TRIM37: variants seen among roughly 807,000 people sequenced by gnomAD.
TRIM37 encodes the protein E3 ubiquitin-protein ligase TRIM37.
A neutral mutation model predicts 129.8 loss-of-function variants in TRIM37; 80 were observed. That is an observed-to-expected ratio of 0.62 (90% CI 0.51 to 0.74). The LOEUF is 0.74. Among genes scored for constraint, TRIM37 ranks in the 30% least tolerant of loss-of-function variants. The pLI is 0.00. For missense variants in TRIM37, 1,054 were observed against 1,176.5 expected (o/e 0.90, Z 1.52); for synonymous variants, 389 against 387.1 (o/e 1.00, Z -0.06).
chr17:59,040,818 G>A (rs1012797659), intron 17 of TRIM37, among the ~76,000 whole-genome samples: 16 of 151,638 alleles, frequency 1.1e-4, no homozygotes, highest in South Asian at 4.2e-4. Flanking sequence ...AGGCCGAGGC[G>A]GGTGGATCAT....
chr17:59,092,117 G>C (rs1568233347), intron 2 of TRIM37, among the ~76,000 whole-genome samples: 1 of 152,050 alleles, frequency 6.6e-6, no homozygotes, highest in Non-Finnish European at 1.5e-5. Flanking sequence ...ACAGGGCTGG[G>C]CACGGTGTCT....
chr17:59,106,372 G>T, intron 1 of TRIM37, 69 bp downstream of exon 1: 1 of 1,598,398 alleles, frequency 6.3e-7, no homozygotes, highest in South Asian at 1.1e-5. Context: ...ACATGGGCAC[G>T]ACTCCCCGAA....
At chr17:59,095,571 C>G (rs949536290) in intron 2 of TRIM37, among the ~76,000 whole-genome samples, 1 of 152,132 alleles carries the variant, frequency 6.6e-6, no homozygotes, top group Non-Finnish European at 1.5e-5. Flanking sequence ...GACTTTTATT[C>G]CCAAACAGCT....
At chr17:59,024,242 G>T (rs536526135) in intron 19 of TRIM37, among the ~76,000 whole-genome samples, 3 of 141,856 alleles carry the variant, frequency 2.1e-5, no homozygotes, top group East Asian at 2.0e-4. Context: ...AAAAAAAATT[G>T]CCACATTGGT....
chr17:59,042,447 A>ATATATATAT (rs1366333212), intron 16 of TRIM37, among the ~76,000 whole-genome samples: 62 of 38,890 alleles, frequency 1.6e-3, no homozygotes, highest in African/African-American at 5.0e-3. Context: ...AAAAAAAAAA[A>ATATATATAT]AAATATATAT....
At chr17:59,042,128 G>A (rs1471195925) in intron 16 of TRIM37, among the ~76,000 whole-genome samples, 1 of 151,856 alleles carries the variant, frequency 6.6e-6, no homozygotes, top group Admixed American at 6.6e-5. Flanking sequence ...TGTAATCCCA[G>A]CACTTTGGGA....
Position 59,064,385 on chromosome 17 carries a change from T to C in TRIM37, c.830A>G (p.Asp277Gly). 1 of 1,598,552 alleles carries C rather than the reference T, an allele frequency of 6.3e-7. No individual in the cohort carries two copies. Among genetic ancestry groups the C allele is most frequent in the Non-Finnish European group, 8.5e-7 (1 of 1,172,134 alleles). The change falls in exon 10 of 24, where the codon GAT becomes GGT. Residue 277 changes from aspartate (D) to glycine (G), a missense_variant. By Grantham distance (94) the Asp-to-Gly change is moderately conservative (BLOSUM62 -1). This residue lies in a region of TRIM37 where 752 missense variants were observed against 870.8 expected (regional missense o/e 0.86). Coordinates refer to ENST00000262294, the MANE Select transcript of TRIM37 (RefSeq NM_015294.6). ...DFTSELVPSY[D>G]SATFVLENFS... Reference sequence around the variant, plus strand: ...ATTCTCTAAAACAAAAGTAGCTGAATCGTAAGATGGCACTAATTCACTAAA... The same window carrying C: ...ATTCTCTAAAACAAAAGTAGCTGAACCGTAAGATGGCACTAATTCACTAAA...
chr17:58,980,662 T>C (rs201271726), downstream of TRIM37: 11 of 1,614,028 alleles, frequency 6.8e-6, no homozygotes, highest in Non-Finnish European at 5.9e-6. This position sits in a 1 kb window ranked among gnomAD's most constrained non-coding sequence, Gnocchi z 4.7. Flanking sequence ...TCAATTTGGG[T>C]TCAACAGGGG....
chr17:59,078,520 G>T (rs1302564927), intron 7 of TRIM37, among the ~76,000 whole-genome samples: 1 of 152,064 alleles, frequency 6.6e-6, no homozygotes, highest in Non-Finnish European at 1.5e-5. Flanking sequence ...ATGTTTATTT[G>T]GCTACGACTG....
At chr17:59,064,958 C>T (rs1207653309) in intron 9 of TRIM37, among the ~76,000 whole-genome samples, 5 of 152,072 alleles carry the variant, frequency 3.3e-5, no homozygotes, top group African/African-American at 9.7e-5. Flanking sequence ...GGCTGAGGCA[C>T]GAGAATCGCT....
chr17:58,989,894 C>T (rs1184444277), intron 24 of TRIM37, among the ~76,000 whole-genome samples: 1 of 151,940 alleles, frequency 6.6e-6, no homozygotes, highest in Non-Finnish European at 1.5e-5. Context: ...ACTCAGAGAA[C>T]ATCAAGCAAA....
the TRIM37 span, chr17:58,972,309 C>CT: frequency 6.3e-7 from 1 of 1,576,714 alleles, no homozygotes; most frequent in Non-Finnish European, 8.6e-7. Flanking sequence ...AGCCCATGCT[C>CT]TAGTTATTAG....
intron 22 of TRIM37, among the ~76,000 whole-genome samples, chr17:59,011,164 G>A (rs57755522): frequency 0.056 from 8,524 of 150,974 alleles, 750 homozygotes; most frequent in African/African-American, 0.19. Flanking sequence ...GCTAGACTCC[G>A]TCTCGGGGAA....
intron 17 of TRIM37, among the ~76,000 whole-genome samples, chr17:59,034,293 G>A (rs8074595): frequency 1 from 152,126 of 152,196 alleles, 76,028 homozygotes; most frequent in Middle Eastern, 1. Context: ...TAGAGAAAGC[G>A]GTGTCTCCTG....
In TRIM37 at chr17:59,106,708, C is replaced by G; in HGVS notation, c.-247G>C. On this transcript the variant is annotated 5_prime_UTR_variant, in exon 1 of 24. Coordinates refer to ENST00000262294, the MANE Select transcript of TRIM37 (RefSeq NM_015294.6). ...AGTAGGGCGAACGGTGGCCGCAGCTCCTTTCTCCCGGCTCAGCCGCCGGCC... is the reference window on the plus strand; with the variant it reads ...AGTAGGGCGAACGGTGGCCGCAGCTGCTTTCTCCCGGCTCAGCCGCCGGCC... 1.7e-6 allele frequency: 1 copy of G among 586,428 alleles called. No individual in the cohort carries two copies. Among genetic ancestry groups the G allele is most frequent in the Non-Finnish European group, 3.0e-6 (1 of 330,282 alleles). 36.3% of individuals were successfully genotyped at this position (586,428 alleles called of 1,614,324 possible).
intron 20 of TRIM37, among the ~76,000 whole-genome samples, chr17:59,017,049 C>T (rs1416194608): frequency 6.6e-6 from 1 of 151,970 alleles, no homozygotes; most frequent in Non-Finnish European, 1.5e-5. Flanking sequence ...CCTGTAGTCC[C>T]AGCTACTTGG....
Position 59,002,221 on chromosome 17 carries a change from C to T in TRIM37, c.2696-507G>A, listed in dbSNP as rs190486589. Among the ~76,000 whole-genome samples, 35 of 152,014 alleles carry T rather than the reference C, an allele frequency of 2.3e-4. No homozygotes were observed. In the East Asian group the frequency reaches 6.4e-3, roughly 28 times the overall value. ...GGGCATCTAATTTTTTTGTGTATGT[C>T]GGTTGATTTGTATTTATTTTTATTT... On this transcript the variant is annotated intron_variant, in intron 22 of 23. Transcript: ENST00000262294.
chr17:59,037,329 A>T (rs2038635061), intron 17 of TRIM37, among the ~76,000 whole-genome samples: 1 of 151,798 alleles, frequency 6.6e-6, no homozygotes, highest in Admixed American at 6.6e-5. Context: ...GAGGCCAAGG[A>T]GGGCAGATCA....
At chr17:59,053,423 G>T (rs113309459) in intron 13 of TRIM37, among the ~76,000 whole-genome samples, 2 of 152,108 alleles carry the variant, frequency 1.3e-5, no homozygotes, top group African/African-American at 4.8e-5. Context: ...TGCTACTATA[G>T]CATTATTTTA....
Sources: allele counts gnomAD v4.1 joint callset (sites outside exome capture counted in the v4.1 genomes callset), GRCh38; gene constraint gnomAD v4.1.1; regional missense constraint gnomAD v4.1.1; non-coding constraint Gnocchi (gnomAD v3.1); transcripts MANE v1.5; gene names NCBI Gene and HGNC (gene_info 2026-07-23, HGNC 2026-07-21).